Variants in TENM2 observed in about 807,000 individuals in gnomAD.
TENM2 encodes the protein teneurin-2.
Under a neutral mutation model 245.2 loss-of-function variants are expected in TENM2, and 52 were observed. The observed-to-expected ratio is 0.21, with a 90% CI of 0.17 to 0.27. The LOEUF is 0.27. Ranked by LOEUF, TENM2 falls within the 10% of genes least tolerant of loss-of-function variation. The pLI, the probability that TENM2 is intolerant of heterozygous loss-of-function variation, is 1.00. For synonymous variants in TENM2, 1,363 were observed against 1,438.9 expected (o/e 0.95, Z 1.19); for missense variants, 3,046 against 3,666.8 (o/e 0.83, Z 4.37).
chr5:167,068,313 A>G, the TENM2 span, among the ~76,000 whole-genome samples: 1 of 152,162 alleles, frequency 6.6e-6, no homozygotes, highest in Non-Finnish European at 1.5e-5. Flanking sequence ...TCATAAATAC[A>G]CAGGACATCT....
intron 7 of TENM2, among the ~76,000 whole-genome samples, chr5:168,070,793 AAGAGAGAGAGAG>A (rs201553774): frequency 2.2e-5 from 2 of 89,352 alleles, no homozygotes; most frequent in African/African-American, 4.2e-5. Flanking sequence ...GAAAGAAAGA[AAGAGAGAGAGAG>A]AGAGAGAGAG....
chr5:168,127,052 C>A lies in TENM2; in HGVS notation c.2422+86C>A, dbSNP rs1477491775. On this transcript the variant is annotated intron_variant, in intron 12 of 28. Transcript: ENST00000518659. ...GGCTGTTCCTTCAGGGACACAAGTGCTCTCCCACATTTCCTGCTGCCCCTC... is the reference window on the plus strand; with the variant it reads ...GGCTGTTCCTTCAGGGACACAAGTGATCTCCCACATTTCCTGCTGCCCCTC... 168 of 1,152,980 alleles carry A rather than the reference C, an allele frequency of 1.5e-4. 2 individuals carry two copies. The Middle Eastern group carries it at 1.7e-3, about 11-fold the overall frequency. The allele number at this position is 1,152,980 out of a possible 1,614,324, so 71.4% of individuals were successfully genotyped here. A position where few individuals can be genotyped will look rare whatever the true frequency, so the allele number is the denominator to read the frequency against.
At chr5:167,565,383 G>A (rs750045901) in intron 2 of TENM2, among the ~76,000 whole-genome samples, 3 of 152,116 alleles carry the variant, frequency 2.0e-5, no homozygotes, top group East Asian at 1.9e-4. Flanking sequence ...AATATTTATC[G>A]AGCACCCTCT....
chr5:167,973,059 C>T (rs773024704), intron 4 of TENM2, among the ~76,000 whole-genome samples: 3 of 152,202 alleles, frequency 2.0e-5, no homozygotes, highest in African/African-American at 4.8e-5. Flanking sequence ...CCTCATCCAC[C>T]TTGCCTCTAT....
At chr5:167,091,130 T>A in the TENM2 span, among the ~76,000 whole-genome samples, 3 of 152,160 alleles carry the variant, frequency 2.0e-5, no homozygotes. Context: ...AATTTTTTTT[T>A]AAATAAGAAA....
chr5:167,534,638 G>A (rs1771732039), intron 2 of TENM2, among the ~76,000 whole-genome samples: 1 of 152,184 alleles, frequency 6.6e-6, no homozygotes, highest in Non-Finnish European at 1.5e-5. Context: ...CATTTGAGTG[G>A]TATCTGAGCA....
chr5:167,894,201 G>A (rs530910595), intron 3 of TENM2, among the ~76,000 whole-genome samples: 2 of 152,282 alleles, frequency 1.3e-5, no homozygotes, highest in Admixed American at 6.5e-5. Context: ...ATGGATGGAT[G>A]GATGGATAGA....
rs148465751 is a variant in TENM2, at chr5:167,544,460, A to G, written c.502+168987A>G. On this transcript the variant is annotated intron_variant, in intron 2 of 28. Coordinates refer to ENST00000518659, the Ensembl canonical transcript of TENM2. ...TAGCTTGGAAACATTGAGAGCTACA[A>G]TGGGATTTCAATTGTGTAAAGGGAT... Among the ~76,000 whole-genome samples the G allele has an allele frequency of 5.2e-3, 798 of 152,272 alleles. 13 individuals are homozygous for G. The highest frequency in any genetic ancestry group is 0.018 in the African/African-American group (735 of 41,550).
the TENM2 span, among the ~76,000 whole-genome samples, chr5:167,202,450 T>A: frequency 3.9e-5 from 6 of 152,178 alleles, no homozygotes; most frequent in Non-Finnish European, 8.8e-5. Context: ...GGAATTTAAA[T>A]GACTAATAAT....
At chr5:167,226,948 A>G in the TENM2 span, among the ~76,000 whole-genome samples, 2 of 151,864 alleles carry the variant, frequency 1.3e-5, no homozygotes, top group African/African-American at 4.8e-5. Flanking sequence ...ATATATGTAT[A>G]TATATGTGTG....
At chr5:167,277,724 C>T in the TENM2 span, among the ~76,000 whole-genome samples, 4 of 152,124 alleles carry the variant, frequency 2.6e-5, no homozygotes, top group African/African-American at 7.2e-5. Context: ...AACTCAAATA[C>T]AATTGTGCAT....
At chr5:167,027,149 C>G in the TENM2 span, among the ~76,000 whole-genome samples, 1 of 152,094 alleles carries the variant, frequency 6.6e-6, no homozygotes, top group South Asian at 2.1e-4. Flanking sequence ...ATGATTTTAT[C>G]CTTTGTAACC....
the TENM2 span, among the ~76,000 whole-genome samples, chr5:167,083,178 T>C: frequency 6.6e-6 from 1 of 152,216 alleles, no homozygotes; most frequent in Non-Finnish European, 1.5e-5. Flanking sequence ...GGTCCGTTGA[T>C]GCTTCTTGGG....
the TENM2 span, among the ~76,000 whole-genome samples, chr5:167,072,422 A>T: frequency 6.6e-6 from 1 of 152,068 alleles, no homozygotes; most frequent in Non-Finnish European, 1.5e-5. Context: ...GTTGGTGCGG[A>T]GGGCAGGGAA....
chr5:167,835,854 C>T (rs1768939124), intron 2 of TENM2, among the ~76,000 whole-genome samples: 1 of 152,064 alleles, frequency 6.6e-6, no homozygotes, highest in African/African-American at 2.4e-5. Context: ...CCCAACACCC[C>T]TCCCCTTTTT....
chr5:168,248,395 G>A, intron 27 of TENM2, 24 bp downstream of exon 29: 2 of 1,598,174 alleles, frequency 1.3e-6, no homozygotes, highest in Non-Finnish European at 1.7e-6. Flanking sequence ...CACCAAAGGT[G>A]GGCAGTGGCT....
intron 2 of TENM2, among the ~76,000 whole-genome samples, chr5:167,756,259 C>A (rs905956283): frequency 6.6e-6 from 1 of 151,888 alleles, no homozygotes; most frequent in Non-Finnish European, 1.5e-5. Context: ...CTTTTTGCTT[C>A]CTTAAGCCAC....
chr5:167,702,555 T>TATATATATATATATATATATATACATAC (rs1461823611), intron 2 of TENM2, among the ~76,000 whole-genome samples: 8 of 145,864 alleles, frequency 5.5e-5, no homozygotes, highest in African/African-American at 2.0e-4. Context: ...TGTGTGTGTA[T>TATATATATATATATATATATATACATAC]ATATATATAT....
chr5:167,815,525 G>A (rs1476551782), intron 2 of TENM2, among the ~76,000 whole-genome samples: 1 of 152,138 alleles, frequency 6.6e-6, no homozygotes, highest in Non-Finnish European at 1.5e-5. Flanking sequence ...TGACCAAGAG[G>A]TTGGATTTCT....
Sources: gnomAD v4.1 joint callset for allele counts (sites outside exome capture counted in the v4.1 genomes callset) on GRCh38, gnomAD v4.1.1 for gene constraint, MANE v1.5 for transcripts, NCBI Gene and HGNC (gene_info 2026-07-23, HGNC 2026-07-21) for gene names.